The following PARP16 variants were observed in gnomAD, a reference collection of about 807,000 sequenced individuals.
The protein encoded by PARP16 is poly(ADP-ribose) polymerase family member 16, also known as protein mono-ADP-ribosyltransferase PARP16.
PARP16 carries 31 observed loss-of-function variants against 35.0 expected under a neutral mutation model. That is an observed-to-expected ratio of 0.88 (90% CI 0.66 to 1.19). The LOEUF is 1.19. Ranked by LOEUF, PARP16 falls within the 50% of genes most tolerant of loss-of-function variation. The pLI is 0.00. For missense variants in PARP16, 424 were observed against 411.2 expected (o/e 1.03, Z -0.27); for synonymous variants, 162 against 169.5 (o/e 0.96, Z 0.34).
At position 65,258,847 on chromosome 15, in the gene PARP16, C is replaced by T. The variant is rs1353004352; in HGVS notation, c.*560G>A. On this transcript the variant is annotated 3_prime_UTR_variant, in exon 6 of 6. Transcript: ENST00000649807. ...GGGCAAGTACAGCTATAGGAGAAGG[C>T]TGTTTGTTGATTTGAGAAAACTGTT... The T allele has an allele frequency of 1.3e-5, 2 of 152,652 alleles. No homozygotes were observed. Among genetic ancestry groups the T allele is most frequent in the African/African-American group, 2.4e-5 (1 of 41,438 alleles). 9.5% of individuals were successfully genotyped at this position (152,652 alleles called of 1,614,324 possible).
intron 2 of PARP16, among the ~76,000 whole-genome samples, chr15:65,250,348 C>T (rs558875525): frequency 9.9e-5 from 15 of 151,852 alleles, no homozygotes; most frequent in African/African-American, 3.6e-4. Context: ...GAACTCCTGA[C>T]CTCAAGTGAT....
intron 3 of PARP16, among the ~76,000 whole-genome samples, chr15:65,238,577 C>G (rs762261307): frequency 5.3e-5 from 8 of 152,214 alleles, no homozygotes; most frequent in Non-Finnish European, 1.0e-4. Flanking sequence ...CATTCCACTC[C>G]GCACTGCCAT....
chr15:65,257,786 C>T (rs184000904), downstream of PARP16, among the ~76,000 whole-genome samples: 1 of 152,248 alleles, frequency 6.6e-6, no homozygotes, highest in Admixed American at 6.5e-5. Flanking sequence ...CTTTATAATA[C>T]CATAAACTCC....
At chr15:65,240,404 T>C (rs2089038513) in intron 3 of PARP16, among the ~76,000 whole-genome samples, 1 of 151,272 alleles carries the variant, frequency 6.6e-6, no homozygotes, top group South Asian at 2.1e-4. Flanking sequence ...GCCAATTTTT[T>C]TGTAGAATGG....
In PARP16 at chr15:65,260,991, T is replaced by C. The variant is rs1450379036; in HGVS notation, c.727A>G (p.Lys243Glu). The C allele has an allele frequency of 1.2e-6, 2 of 1,613,926 alleles. No individual in the cohort carries two copies. The highest frequency in any genetic ancestry group is 1.7e-5 in the Admixed American group (1 of 60,020). Residue 243 changes from lysine (K) to glutamate (E), a missense_variant, in exon 5 of 6, where the codon AAA becomes GAA. Physicochemically the swap from Lys to Glu is moderately conservative, Grantham distance 56. Coordinates refer to ENST00000649807, the MANE Select transcript of PARP16 (RefSeq NM_001316943.2). ...GGGATGTCTCCCCCTTCACTATGTTTGATTCTCGCTCGTCTGCGATCTATC... is the reference window on the plus strand; with the variant it reads ...GGGATGTCTCCCCCTTCACTATGTTCGATTCTCGCTCGTCTGCGATCTATC... ...KEIDRRRARIKHSEGGDIPPK... is the reference protein window; with the variant it reads ...KEIDRRRARIEHSEGGDIPPK...
At chr15:65,283,070 A>C (rs1445642469) in intron 1 of PARP16, among the ~76,000 whole-genome samples, 3 of 152,220 alleles carry the variant, frequency 2.0e-5, no homozygotes, top group African/African-American at 4.8e-5. Flanking sequence ...TGCATTCGCC[A>C]AGACCTTCCA....
intron 3 of PARP16, among the ~76,000 whole-genome samples, chr15:65,241,917 C>A (rs760313023): frequency 2.0e-5 from 3 of 152,074 alleles, no homozygotes; most frequent in Admixed American, 6.5e-5. Flanking sequence ...AGTTTATAAA[C>A]CTTTTCACTG....
chr15:65,247,988 T>G, intron 3 of PARP16: 1 of 335,308 alleles, frequency 3.0e-6, no homozygotes, highest in Non-Finnish European at 5.9e-6. Context: ...GTATTTTTAG[T>G]AGAGGTGGGG....
intron 3 of PARP16, among the ~76,000 whole-genome samples, chr15:65,239,452 AAGAG>A (rs1555419135): frequency 8.8e-6 from 1 of 113,038 alleles, no homozygotes; most frequent in Non-Finnish European, 1.9e-5. Context: ...AAAAAAAAAA[AAGAG>A]AGAAAAGAAA....
At chr15:65,265,551 G>A (rs1212129922) in intron 3 of PARP16, among the ~76,000 whole-genome samples, 1 of 152,190 alleles carries the variant, frequency 6.6e-6, no homozygotes, top group African/African-American at 2.4e-5. Flanking sequence ...GACAAAAGCA[G>A]CTCAAGAGGG....
downstream of PARP16, among the ~76,000 whole-genome samples, chr15:65,233,655 G>A (rs2088811512): frequency 6.7e-6 from 1 of 149,868 alleles, no homozygotes; most frequent in Admixed American, 6.7e-5. Context: ...AGAATCCCTT[G>A]AGCCTTGGAG....
At chr15:65,249,700 C>T (rs1283862994) in intron 2 of PARP16, among the ~76,000 whole-genome samples, 1 of 152,228 alleles carries the variant, frequency 6.6e-6, no homozygotes, top group African/African-American at 2.4e-5. Flanking sequence ...GCCAGCAGCC[C>T]CTGGATGCAA....
At chr15:65,249,079 C>A (rs1264683105) in intron 2 of PARP16, among the ~76,000 whole-genome samples, 1 of 152,184 alleles carries the variant, frequency 6.6e-6, no homozygotes, top group Non-Finnish European at 1.5e-5. Context: ...CAAAACAGGC[C>A]TAGGGGACGA....
In PARP16 at chr15:65,286,610, C is replaced by A; in HGVS notation, c.-184G>T. 1 of 406,838 alleles carries A rather than the reference C, an allele frequency of 2.5e-6. No homozygotes were observed. Among genetic ancestry groups the A allele is most frequent in the South Asian group, 3.8e-5 (1 of 26,212 alleles). The allele number at this position is 406,838 out of a possible 1,614,324, so 25.2% of individuals were successfully genotyped here. A position where few individuals can be genotyped will look rare whatever the true frequency, so the allele number is the denominator to read the frequency against. Reference sequence around the variant, plus strand: ...GAACGTGCCGACAAGTGTCCTCTGCCGGGGTCTGGGCCGCGGCTCGCCGCC... The same window carrying A: ...GAACGTGCCGACAAGTGTCCTCTGCAGGGGTCTGGGCCGCGGCTCGCCGCC... On this transcript the variant is annotated 5_prime_UTR_variant, in exon 1 of 6. Transcript: ENST00000649807.
In PARP16 at chr15:65,247,798, CTTTTTTT is replaced by C. The variant is rs930896140; in HGVS notation, c.*97+312_*97+318del. 1.2e-4 allele frequency among the ~76,000 whole-genome samples: 11 copies of C among 90,986 alleles called. No homozygotes were observed. The East Asian group carries it at 1.3e-3, about 10-fold the overall frequency. 59.7% of individuals were successfully genotyped at this position (90,986 alleles called of 152,430 possible). A position where few individuals can be genotyped will look rare whatever the true frequency, so the allele number is the denominator to read the frequency against. On this transcript the variant is annotated intron_variant and NMD_transcript_variant, in intron 3 of 3. Transcript: ENST00000559805. ...CAGGCACTTAGACCAATGGATTGTT[CTTTTTTT>C]TTTTTTTTTTTTTTTTTGAGACGGA...
At chr15:65,231,212 T>G (rs1457678497), downstream of PARP16, among the ~76,000 whole-genome samples, 1 of 152,162 alleles carries the variant, frequency 6.6e-6, no homozygotes, top group African/African-American at 2.4e-5. Context: ...GTGAACAGCT[T>G]ATAACTGGGT....
intron 3 of PARP16, among the ~76,000 whole-genome samples, chr15:65,236,160 T>C (rs1281951366): frequency 3.3e-5 from 5 of 152,042 alleles, no homozygotes. Context: ...TGCCCAGCCC[T>C]GCAGACATGT....
chr15:65,286,494 C>T lies in PARP16; in HGVS notation c.-68G>A, dbSNP rs1290742618. The T allele has an allele frequency of 7.9e-7, 1 of 1,260,842 alleles. No individual in the cohort carries two copies. Among genetic ancestry groups the T allele is most frequent in the African/African-American group, 1.6e-5 (1 of 63,090 alleles). The allele number at this position is 1,260,842 out of a possible 1,614,324, so 78.1% of individuals were successfully genotyped here. Reference sequence around the variant, plus strand: ...GGCAAGGGCGAGCGTGCGTTCAGCGCGGGGGCTGGGCCCGCGGACAATGGG... The same window carrying T: ...GGCAAGGGCGAGCGTGCGTTCAGCGTGGGGGCTGGGCCCGCGGACAATGGG... On this transcript the variant is annotated 5_prime_UTR_variant, in exon 1 of 6. Transcript: ENST00000649807.
In PARP16 at chr15:65,285,975, GACTATGCA is replaced by G. The variant is rs1324754637; in HGVS notation, c.174+270_174+277del. Among the ~76,000 whole-genome samples the G allele has an allele frequency of 9.8e-5, 15 of 152,294 alleles. No individual in the cohort carries two copies. In the East Asian group the frequency reaches 2.9e-3, roughly 29 times the overall value. Reference sequence around the variant, plus strand: ...TGGCCAGGCTAGAAAATCTGTGGAGGACTATGCAACTATTCCTCACTTCAGTCCTCGGA... The same window carrying G: ...TGGCCAGGCTAGAAAATCTGTGGAGGACTATTCCTCACTTCAGTCCTCGGA... On this transcript the variant is annotated intron_variant, in intron 1 of 5. Coordinates refer to ENST00000649807, the MANE Select transcript of PARP16 (RefSeq NM_001316943.2).
Sources: gnomAD v4.1 joint callset for allele counts (sites outside exome capture counted in the v4.1 genomes callset) on GRCh38, gnomAD v4.1.1 for gene constraint, MANE v1.5 for transcripts, NCBI Gene and HGNC (gene_info 2026-07-23, HGNC 2026-07-21) for gene names.